The following NDST4 variants were observed in gnomAD, a reference collection of about 807,000 sequenced individuals.
NDST4 encodes the protein N-heparan sulfate sulfotransferase 4.
NDST4 carries 63 observed loss-of-function variants against 100.8 expected under a neutral mutation model. That is an observed-to-expected ratio of 0.62 (90% confidence interval 0.51 to 0.77). NDST4 has a LOEUF of 0.77. Among genes scored for constraint, NDST4 ranks in the 30% least tolerant of loss-of-function variants. NDST4 has a pLI of 0.00. For synonymous variants in NDST4, 377 were observed against 361.8 expected (o/e 1.04, Z -0.48); for missense variants, 943 against 1,018.4 (o/e 0.93, Z 1.01).
At chr4:114,931,630 A>G (rs1237486528) in intron 6 of NDST4, among the ~76,000 whole-genome samples, 1 of 151,874 alleles carries the variant, frequency 6.6e-6, no homozygotes, top group Admixed American at 6.6e-5. Flanking sequence ...GGAAAAGGAG[A>G]GAAGGCTCAA....
chr4:114,931,560 A>C (rs1725514691), intron 6 of NDST4, among the ~76,000 whole-genome samples: 2 of 151,846 alleles, frequency 1.3e-5, no homozygotes, highest in Non-Finnish European at 2.9e-5. Flanking sequence ...ATATCAATGA[A>C]ACTAAGAGTT....
At chr4:114,895,503 A>C (rs1724694747) in intron 6 of NDST4, among the ~76,000 whole-genome samples, 1 of 152,158 alleles carries the variant, frequency 6.6e-6, no homozygotes, top group Non-Finnish European at 1.5e-5. Context: ...ATAGCCTACC[A>C]ACCAAATGAA....
chr4:114,975,404 A>G (rs1726610315), intron 3 of NDST4, among the ~76,000 whole-genome samples: 1 of 152,146 alleles, frequency 6.6e-6, no homozygotes, highest in Non-Finnish European at 1.5e-5. Flanking sequence ...TGTTTTTGTT[A>G]TACTGGTTTC....
intron 7 of NDST4, among the ~76,000 whole-genome samples, chr4:114,859,438 T>G (rs542130418): frequency 6.6e-6 from 1 of 152,176 alleles, no homozygotes; most frequent in Non-Finnish European, 1.5e-5. Context: ...TATAGAATCA[T>G]GAGAAAAAAT....
rs900200862 is a variant in NDST4, at chr4:114,902,062, C to T, written c.1537-31112G>A. Among the ~76,000 whole-genome samples, 8 of 152,096 alleles carry T rather than the reference C, an allele frequency of 5.3e-5. No individual in the cohort carries two copies. In the East Asian group the frequency reaches 1.5e-3, roughly 29 times the overall value. On this transcript the variant is annotated intron_variant, in intron 6 of 13. Transcript: ENST00000264363. Reference sequence around the variant, plus strand: ...TATATGAAACATACAAATATGATTACATATATGACTAAATACTTTGTTGCT... The same window carrying T: ...TATATGAAACATACAAATATGATTATATATATGACTAAATACTTTGTTGCT...
chr4:114,867,665 C>CAAAAAAAAAAAAAAAAAAAAAAGA, intron 7 of NDST4, among the ~76,000 whole-genome samples: 42 of 79,838 alleles, frequency 5.3e-4, no homozygotes, highest in East Asian at 1.2e-3. Flanking sequence ...AAAAAAAAAG[C>CAAAAAAAAAAAAAAAAAAAAAAGA]AAAAAAAAAA....
chr4:114,875,216 T>C (rs1165933521), intron 6 of NDST4, among the ~76,000 whole-genome samples: 1 of 152,184 alleles, frequency 6.6e-6, no homozygotes, highest in African/African-American at 2.4e-5. Context: ...GCTGCCTTTA[T>C]CTTGTTGTTG....
chr4:114,926,473 T>C (rs1463848184), intron 6 of NDST4, among the ~76,000 whole-genome samples: 2 of 152,044 alleles, frequency 1.3e-5, no homozygotes, highest in African/African-American at 4.8e-5. Flanking sequence ...TTATGGTAAA[T>C]TATAAAATAA....
intron 4 of NDST4, among the ~76,000 whole-genome samples, chr4:114,970,078 T>A (rs1027206199): frequency 6.6e-6 from 1 of 152,206 alleles, no homozygotes; most frequent in Admixed American, 6.5e-5. Context: ...TGTTAAGCAA[T>A]AAATTATTTT....
chr4:114,867,633 A>G (rs1448961710), intron 7 of NDST4, among the ~76,000 whole-genome samples: 1 of 145,886 alleles, frequency 6.9e-6, no homozygotes, highest in East Asian at 2.0e-4. Context: ...TTTGGTTCCC[A>G]TAATGAGAAT....
intron 1 of NDST4, among the ~76,000 whole-genome samples, chr4:115,105,795 G>A (rs559315390): frequency 6.6e-6 from 1 of 152,090 alleles, no homozygotes; most frequent in East Asian, 1.9e-4. Flanking sequence ...CGTACCTTTC[G>A]TAGCTTAGTC....
intron 7 of NDST4, among the ~76,000 whole-genome samples, chr4:114,869,382 A>G (rs1417735519): frequency 1.3e-5 from 2 of 152,064 alleles, no homozygotes; most frequent in Admixed American, 1.3e-4. Flanking sequence ...TGCCATAAAT[A>G]TTATAGATAT....
intron 4 of NDST4, among the ~76,000 whole-genome samples, chr4:114,964,663 A>G (rs1211935552): frequency 1.3e-5 from 2 of 152,176 alleles, no homozygotes; most frequent in Non-Finnish European, 2.9e-5. Context: ...ACACAATATT[A>G]TTATTGGCTG....
intron 2 of NDST4, among the ~76,000 whole-genome samples, chr4:115,016,485 C>T (rs1727679312): frequency 6.6e-6 from 1 of 152,024 alleles, no homozygotes; most frequent in Non-Finnish European, 1.5e-5. Flanking sequence ...GTTTTATCTC[C>T]AAATGGAGAA....
chr4:114,856,650 A>T (rs536016870), intron 7 of NDST4, among the ~76,000 whole-genome samples: 97 of 152,200 alleles, frequency 6.4e-4, no homozygotes, highest in Non-Finnish European at 1.1e-3. Flanking sequence ...GATTCTTCCC[A>T]GTGTTATTAT....
chr4:114,980,513 A>C (rs1293298674), intron 2 of NDST4, among the ~76,000 whole-genome samples: 1 of 150,274 alleles, frequency 6.7e-6, no homozygotes, highest in Non-Finnish European at 1.5e-5. Context: ...GTGGTAGTGC[A>C]TGCCTGTAAT....
chr4:114,847,431 A>G (rs1042809773), intron 9 of NDST4, among the ~76,000 whole-genome samples: 20 of 146,476 alleles, frequency 1.4e-4, no homozygotes, highest in African/African-American at 4.2e-4. Context: ...CTTTCATTGC[A>G]AACAGGTTCA....
At chr4:114,849,749 C>A (rs1226980977) in intron 8 of NDST4, among the ~76,000 whole-genome samples, 1 of 152,026 alleles carries the variant, frequency 6.6e-6, no homozygotes, top group African/African-American at 2.4e-5. Context: ...TAAGGAATAA[C>A]AAATGTGAAA....
intron 12 of NDST4, among the ~76,000 whole-genome samples, chr4:114,832,753 G>A (rs547153489): frequency 2.4e-4 from 36 of 152,304 alleles, no homozygotes; most frequent in African/African-American, 7.9e-4. Flanking sequence ...GTCCAGGTCA[G>A]AGAAGGACTT....
Sources: gnomAD v4.1 joint callset for allele counts (sites outside exome capture counted in the v4.1 genomes callset) on GRCh38, gnomAD v4.1.1 for gene constraint, MANE v1.5 for transcripts, NCBI Gene and HGNC (gene_info 2026-07-23, HGNC 2026-07-21) for gene names.